The following RNF180 variants were observed in gnomAD, a reference collection of about 807,000 sequenced individuals.
RNF180 encodes the protein E3 ubiquitin-protein ligase RNF180.
RNF180 carries 38 observed loss-of-function variants against 59.2 expected under a neutral mutation model. That is an observed-to-expected ratio of 0.64 (90% CI 0.50 to 0.84). The LOEUF is 0.84. Ranked by LOEUF, RNF180 falls within the 40% of genes least tolerant of loss-of-function variation. The pLI, the probability that RNF180 is intolerant of heterozygous loss-of-function variation, is 0.00. For synonymous variants in RNF180, 262 were observed against 240.3 expected (o/e 1.09, Z -0.84); for missense variants, 705 against 700.9 (o/e 1.01, Z -0.07).
At chr5:64,354,817 A>AG (rs759865911) in intron 7 of RNF180, among the ~76,000 whole-genome samples, 2 of 151,872 alleles carry the variant, frequency 1.3e-5, no homozygotes, top group Non-Finnish European at 2.9e-5. Context: ...ACATTAATAA[A>AG]GGGGGGAAGG....
chr5:64,214,587 C>A, intron 4 of RNF180, 70 bp downstream of exon 4: 1 of 1,338,600 alleles, frequency 7.5e-7, no homozygotes. Flanking sequence ...GTGGAGCTAA[C>A]TTTCAACATC....
chr5:64,192,596 C>T (rs1361731279), intron 1 of RNF180, among the ~76,000 whole-genome samples: 1 of 151,924 alleles, frequency 6.6e-6, no homozygotes, highest in Non-Finnish European at 1.5e-5. Context: ...CACTTGAACC[C>T]AGGAAGCGGA....
intron 5 of RNF180, among the ~76,000 whole-genome samples, chr5:64,256,486 A>T (rs1454775860): frequency 6.6e-6 from 1 of 152,138 alleles, no homozygotes; most frequent in Non-Finnish European, 1.5e-5. Flanking sequence ...TGTTTCTGTC[A>T]GGTTTGTCAA....
chr5:64,184,951 A>G (rs1213821800), intron 1 of RNF180, among the ~76,000 whole-genome samples: 5 of 152,194 alleles, frequency 3.3e-5, no homozygotes, highest in African/African-American at 1.2e-4. Flanking sequence ...GAACCATCCC[A>G]CATTTAAATC....
At chr5:64,199,837 G>A (rs1479341300) in intron 1 of RNF180, among the ~76,000 whole-genome samples, 1 of 152,108 alleles carries the variant, frequency 6.6e-6, no homozygotes, top group East Asian at 1.9e-4. Context: ...TCCCAAATTG[G>A]CTTAAAGTAT....
rs143981339 is a variant in RNF180 at position 64,253,982 on chromosome 5, A to G, written c.1227+36586A>G. Among the ~76,000 whole-genome samples the G allele has an allele frequency of 5.3e-3, 802 of 152,240 alleles. 8 individuals are homozygous for G. Among genetic ancestry groups the G allele is most frequent in the African/African-American group, 0.018 (758 of 41,548 alleles). ...TTTTTATATTAAATTTACCCTTACC[A>G]CTAAAGGGTGGACCCTCTCTTCTCT... On this transcript the variant is annotated intron_variant, in intron 5 of 7. Coordinates refer to ENST00000389100, the MANE Select transcript of RNF180 (RefSeq NM_001113561.2).
chr5:64,318,295 C>T (rs1744169680), intron 5 of RNF180, among the ~76,000 whole-genome samples: 1 of 152,124 alleles, frequency 6.6e-6, no homozygotes, highest in Non-Finnish European at 1.5e-5. Context: ...TTATACCATA[C>T]TCGCCAATCT....
At chr5:64,216,303 A>G (rs1382994770) in intron 4 of RNF180, among the ~76,000 whole-genome samples, 1 of 152,196 alleles carries the variant, frequency 6.6e-6, no homozygotes, top group Non-Finnish European at 1.5e-5. Context: ...CAAAAAGACA[A>G]ATCCTAGAAA....
chr5:64,234,629 T>A (rs1580073500), intron 5 of RNF180, among the ~76,000 whole-genome samples: 1 of 106,994 alleles, frequency 9.3e-6, no homozygotes, highest in African/African-American at 3.7e-5. Context: ...AGAAGGAGTC[T>A]CACTCTGTCG....
intron 1 of RNF180, among the ~76,000 whole-genome samples, chr5:64,178,016 T>C (rs1393622656): frequency 6.6e-6 from 1 of 151,960 alleles, no homozygotes; most frequent in African/African-American, 2.4e-5. Context: ...CCATCCTGAC[T>C]GACATAGTGA....
At chr5:64,224,031 T>C (rs1245273721) in intron 5 of RNF180, among the ~76,000 whole-genome samples, 1 of 151,910 alleles carries the variant, frequency 6.6e-6, no homozygotes, top group African/African-American at 2.4e-5. Flanking sequence ...TGATTGGCTC[T>C]GTTAGATTTT....
intron 1 of RNF180, among the ~76,000 whole-genome samples, chr5:64,181,023 G>A (rs1005395290): frequency 1.3e-5 from 2 of 152,144 alleles, no homozygotes; most frequent in East Asian, 3.9e-4. Context: ...ACTGGTATAG[G>A]TCCAAGAGTC....
At position 64,324,489 on chromosome 5, in the gene RNF180, G is replaced by A. The variant is rs114618083; in HGVS notation, c.1228-697G>A. Among the ~76,000 whole-genome samples the A allele has an allele frequency of 3.6e-3, 549 of 152,260 alleles. 3 individuals carry two copies. Among genetic ancestry groups the A allele is most frequent in the African/African-American group, 0.013 (522 of 41,566 alleles). ...CAGACAGCAGCCCCAGCTGGAAATC[G>A]GTTTTTTTTCTCATCATCGTTATAA... On this transcript the variant is annotated intron_variant, in intron 5 of 7. Transcript: ENST00000389100.
intron 5 of RNF180, among the ~76,000 whole-genome samples, chr5:64,263,489 C>A (rs1484692220): frequency 6.6e-6 from 1 of 152,122 alleles, no homozygotes; most frequent in Non-Finnish European, 1.5e-5. Context: ...TGTAATGAAC[C>A]TTTTAACTGT....
chr5:64,307,295 T>C (rs1278945439), intron 5 of RNF180, among the ~76,000 whole-genome samples: 2 of 151,500 alleles, frequency 1.3e-5, no homozygotes, highest in African/African-American at 4.8e-5. Context: ...ACATGAAACC[T>C]ATTTGCTATT....
rs761103648 is a variant in RNF180, at chr5:64,257,115, G to C, written c.1227+39719G>C. On this transcript the variant is annotated intron_variant, in intron 5 of 7. Transcript: ENST00000389100. ...AGGAGATTTTGGGCTGAGATGATGG[G>C]GTTTTTTAGATATACAATCATGTCA... Among the ~76,000 whole-genome samples, 273 of 152,190 alleles carry C rather than the reference G, an allele frequency of 1.8e-3. 1 individual carries two copies. The highest frequency in any genetic ancestry group is 3.6e-3 in the Non-Finnish European group (242 of 68,008).
At position 64,371,808 on chromosome 5, in the gene RNF180, T is replaced by C. The variant is rs1331612476; in HGVS notation, c.*1994T>C. ...TTGTAAAAGTGGAGATAAAAACTGC[T>C]AAATATTAAGAAGTATAGCATTTCC... is the stretch of plus-strand genomic sequence containing the variant. On this transcript the variant is annotated 3_prime_UTR_variant, in exon 8 of 8. Transcript: ENST00000389100. 1 of 151,612 alleles carries C rather than the reference T, an allele frequency of 6.6e-6. No individual in the cohort carries two copies. 9.4% of individuals were successfully genotyped at this position (151,612 alleles called of 1,614,324 possible). A position where few individuals can be genotyped will look rare whatever the true frequency, so the allele number is the denominator to read the frequency against.
intron 1 of RNF180, among the ~76,000 whole-genome samples, chr5:64,187,174 T>C (rs1009762321): frequency 6.6e-6 from 1 of 152,242 alleles, no homozygotes; most frequent in South Asian, 2.1e-4. Context: ...AAAAGGAAAA[T>C]GAGTCAGTTT....
intron 5 of RNF180, among the ~76,000 whole-genome samples, chr5:64,287,623 C>T (rs1441597932): frequency 6.6e-6 from 1 of 152,186 alleles, no homozygotes; most frequent in Non-Finnish European, 1.5e-5. Context: ...GCCATTCTGA[C>T]TGGCGTGCAA....
Sources: allele counts gnomAD v4.1 joint callset (sites outside exome capture counted in the v4.1 genomes callset), GRCh38; gene constraint gnomAD v4.1.1; transcripts MANE v1.5; gene names NCBI Gene and HGNC (gene_info 2026-07-23, HGNC 2026-07-21).